Variants in RNASET2 observed in about 807,000 individuals in gnomAD.
RNASET2 encodes ribonuclease T2, also known as ribonuclease 6.
A neutral mutation model predicts 33.9 loss-of-function variants in RNASET2; 28 were observed. The ratio of observed to expected loss-of-function variants is 0.83; its 90% CI spans 0.61 to 1.13. RNASET2 has a LOEUF of 1.13. RNASET2 is among the 50% of genes most tolerant of loss of function. The pLI is 0.00. For synonymous variants in RNASET2, 123 were observed against 121.0 expected (o/e 1.02, Z -0.11); for missense variants, 330 against 319.9 (o/e 1.03, Z -0.24).
At chr6:166,931,658 C>T in intron 7 of RNASET2, 1 of 174,458 alleles carries the variant, frequency 5.7e-6, no homozygotes, top group Non-Finnish European at 1.2e-5. Context: ...TGAGGGGCCT[C>T]CTCCTCGCTC....
In RNASET2 at chr6:166,929,421, C is replaced by A; in HGVS notation, c.*167G>T. 4 of 734,820 alleles carry A rather than the reference C, an allele frequency of 5.4e-6. No homozygotes were observed. In the East Asian group the frequency reaches 7.4e-5, roughly 14 times the overall value. The allele number at this position is 734,820 out of a possible 1,614,324, so 45.5% of individuals were successfully genotyped here. On this transcript the variant is annotated 3_prime_UTR_variant, in exon 9 of 9. Coordinates refer to ENST00000508775, the MANE Select transcript of RNASET2 (RefSeq NM_003730.6). ...AGGCGTGGGAGAGCTCCTTTCTCCCCGTGTACGCCACATGCACTCACTCTA... is the reference window on the plus strand; with the variant it reads ...AGGCGTGGGAGAGCTCCTTTCTCCCAGTGTACGCCACATGCACTCACTCTA...
chr6:166,949,989 C>T (rs1481733279), intron 2 of RNASET2, among the ~76,000 whole-genome samples: 1 of 152,248 alleles, frequency 6.6e-6, no homozygotes, highest in Non-Finnish European at 1.5e-5. Context: ...GAAATACACT[C>T]CTTAACAAGG....
Position 166,938,878 on chromosome 6 carries a change from G to T in RNASET2, c.446+17C>A, listed in dbSNP as rs538845875. On this transcript the variant is annotated intron_variant, in intron 6 of 8. Transcript: ENST00000508775. ...GATCCCCACTGGGAAGTGCAGCCGG[G>T]GGAAGGGCGCACCCACCTGTTGAGG... 2.3e-4 allele frequency: 363 copies of T among 1,563,912 alleles called. 3 individuals are homozygous for T. In the South Asian group the frequency reaches 2.9e-3, roughly 12 times the overall value.
At chr6:166,943,744 G>A (rs912090733) in intron 4 of RNASET2, 3 of 470,086 alleles carry the variant, frequency 6.4e-6, no homozygotes, top group Non-Finnish European at 1.3e-5. Context: ...CACTATAGAA[G>A]ATGTTAATGA....
chr6:166,931,405 G>A lies in RNASET2; in HGVS notation c.493-287C>T, dbSNP rs1778436754. ...CTCTCCTCCTCCCAGTGTCTTTCTG[G>A]GCCCCGAGCTGTCTCACCTGAAACG... On this transcript the variant is annotated intron_variant, in intron 7 of 8. Coordinates refer to ENST00000508775, the MANE Select transcript of RNASET2 (RefSeq NM_003730.6). 3 of 485,770 alleles carry A rather than the reference G, an allele frequency of 6.2e-6. No individual in the cohort carries two copies. The East Asian group carries it at 1.1e-4, about 18-fold the overall frequency. The allele number at this position is 485,770 out of a possible 1,614,324, so 30.1% of individuals were successfully genotyped here. A position where few individuals can be genotyped will look rare whatever the true frequency, so the allele number is the denominator to read the frequency against.
chr6:166,932,137 G>T (rs1039395260), intron 7 of RNASET2: 1 of 152,696 alleles, frequency 6.5e-6, no homozygotes, highest in Non-Finnish European at 1.5e-5. Context: ...CCTGAGGCAG[G>T]ACCTCTGCCT....
intron 4 of RNASET2, among the ~76,000 whole-genome samples, chr6:166,944,371 C>A (rs1361994503): frequency 6.6e-6 from 1 of 152,048 alleles, no homozygotes; most frequent in Admixed American, 6.6e-5. Flanking sequence ...TTTTCCAGCA[C>A]CCTATATGAG....
intron 6 of RNASET2, chr6:166,938,670 C>T (rs1778623961): frequency 1.3e-6 from 1 of 754,830 alleles, no homozygotes; most frequent in Non-Finnish European, 2.5e-6. Flanking sequence ...ATGGGCATCC[C>T]AATACTCTGC....
intron 2 of RNASET2, among the ~76,000 whole-genome samples, chr6:166,951,760 C>T (rs1778990551): frequency 6.6e-6 from 1 of 152,238 alleles, no homozygotes. Flanking sequence ...TAATCTATTT[C>T]TAGTATAACT....
chr6:166,942,798 A>G (rs562712298), intron 5 of RNASET2, among the ~76,000 whole-genome samples: 2 of 152,310 alleles, frequency 1.3e-5, no homozygotes, highest in Non-Finnish European at 1.5e-5. Context: ...ACAGGCTTAT[A>G]TGGTAAATTC....
rs1199281718 is a variant in RNASET2 at position 166,943,029 on chromosome 6, T to A, written c.322A>T (p.Ser108Cys). The A allele has an allele frequency of 6.2e-7, 1 of 1,613,652 alleles. No homozygotes were observed. The highest frequency in any genetic ancestry group is 8.5e-7 in the Non-Finnish European group (1 of 1,179,736). ...GAGGCTGGGACTTACCAGAAGCGGCTGCGATTGGGAAACGAGTGAATTACG... is the reference window on the plus strand; with the variant it reads ...GAGGCTGGGACTTACCAGAAGCGGCAGCGATTGGGAAACGAGTGAATTACG... ...PDVIHSFPNR[S>C]RFWKHEWEKH... The change falls in exon 5 of 9, where the codon AGC becomes TGC. Residue 108 changes from serine (S) to cysteine (C), a missense_variant. By Grantham distance (112) the Ser-to-Cys change is moderately radical. Coordinates refer to ENST00000508775, the MANE Select transcript of RNASET2 (RefSeq NM_003730.6).
Position 166,956,544 on chromosome 6 carries a change from G to A in RNASET2, c.-362C>T, listed in dbSNP as rs893596454. 1.2e-4 allele frequency: 39 copies of A among 324,882 alleles called. No individual in the cohort carries two copies. The highest frequency in any genetic ancestry group is 1.7e-4 in the Non-Finnish European group (29 of 172,598). The allele number at this position is 324,882 out of a possible 1,614,324, so 20.1% of individuals were successfully genotyped here. ...TCCGCCCACGACCACGGTCAGTCGC[G>A]TTGCTCCCAGCCCAGGGCGCCCTGC... On this transcript the variant is annotated 5_prime_UTR_variant, in exon 1 of 9. It adds an upstream start codon to the 5' untranslated region. Transcript: ENST00000508775.
chr6:166,929,697 G>A lies in RNASET2; in HGVS notation c.662C>T (p.Ser221Phe). ...QNCTEPGEQP[S>F]PKQEVWLANG... ...TGCCAGCCAGACTTCCTGCTTGGGG[G>A]ACGGCTGCTCCCCCGGCTCGGTGCA... The change falls in exon 9 of 9, where the codon TCC (serine) becomes TTC (phenylalanine). Residue 221 changes from serine (S) to phenylalanine (F), a missense_variant. Physicochemically the swap from Ser to Phe is radical, Grantham distance 155. Transcript: ENST00000508775. The A allele has an allele frequency of 2.5e-6, 4 of 1,614,130 alleles. No homozygotes were observed. The highest frequency in any genetic ancestry group is 3.4e-6 in the Non-Finnish European group (4 of 1,180,034).
At chr6:166,940,106 T>C (rs1479547746) in intron 5 of RNASET2, among the ~76,000 whole-genome samples, 5 of 152,208 alleles carry the variant, frequency 3.3e-5, no homozygotes, top group African/African-American at 1.2e-4. Context: ...TCCAATCAAC[T>C]GCTGACGAGA....
intron 8 of RNASET2, among the ~76,000 whole-genome samples, chr6:166,930,353 T>A (rs1164423183): frequency 6.6e-6 from 1 of 150,446 alleles, no homozygotes; most frequent in African/African-American, 2.5e-5. Context: ...TGTGCACACA[T>A]GCAGAACATG....
At chr6:166,951,854 C>T (rs1487226588) in intron 2 of RNASET2, among the ~76,000 whole-genome samples, 1 of 152,182 alleles carries the variant, frequency 6.6e-6, no homozygotes, top group Non-Finnish European at 1.5e-5. Context: ...TGGCTTGCCG[C>T]CCACAGAGGG....
rs1022834448 is a variant in RNASET2 at position 166,943,589 on chromosome 6, G to A, written c.262-500C>T. ...TGGCTCAGGGGGTTTAGGGCCAGCG[G>A]CTGCTCCAGAGCACACTGGGTGGGA... On this transcript the variant is annotated intron_variant, in intron 4 of 8. Coordinates refer to ENST00000508775, the MANE Select transcript of RNASET2 (RefSeq NM_003730.6). 3.2e-5 allele frequency: 11 copies of A among 341,318 alleles called. No individual in the cohort carries two copies. In the East Asian group the frequency reaches 5.8e-4, roughly 18 times the overall value. The allele number at this position is 341,318 out of a possible 1,614,324, so 21.1% of individuals were successfully genotyped here. A position where few individuals can be genotyped will look rare whatever the true frequency, so the allele number is the denominator to read the frequency against.
Position 166,924,683 on chromosome 6 carries a change from T to C in RNASET2, c.*4905A>G, listed in dbSNP as rs1312143731. 6.6e-6 allele frequency among the ~76,000 whole-genome samples: 1 copy of C among 152,114 alleles called. No homozygotes were observed. Among genetic ancestry groups the C allele is most frequent in the Non-Finnish European group, 1.5e-5 (1 of 68,018 alleles). On this transcript the variant is annotated 3_prime_UTR_variant, in exon 9 of 9. Coordinates refer to ENST00000508775, the MANE Select transcript of RNASET2 (RefSeq NM_003730.6). The stretch of plus-strand genomic sequence containing the variant: ...AAATGCACCAGCTATGCTCCTCTTT[T>C]CCCTTGCCGTCTGTTGCCCTGCACT...
At chr6:166,955,286 A>G (rs372043263) in intron 1 of RNASET2, among the ~76,000 whole-genome samples, 17 of 59,464 alleles carry the variant, frequency 2.9e-4, no homozygotes, top group South Asian at 2.5e-3. Context: ...CACACGACAC[A>G]CACGCACAGA....
Sources: allele counts gnomAD v4.1 joint callset (sites outside exome capture counted in the v4.1 genomes callset), GRCh38; gene constraint gnomAD v4.1.1; transcripts MANE v1.5; gene names NCBI Gene and HGNC (gene_info 2026-07-23, HGNC 2026-07-21).